Variants in AGBL1 observed in about 807,000 individuals in gnomAD.
AGBL1 encodes cytosolic carboxypeptidase 4.
In AGBL1, 130 loss-of-function variants were observed where a neutral mutation model predicts 118.9. The observed-to-expected ratio is 1.09, with a 90% CI of 0.95 to 1.26. AGBL1 has a LOEUF of 1.26. Ranked by LOEUF, AGBL1 falls within the 50% of genes most tolerant of loss-of-function variation. The pLI, the probability that AGBL1 is intolerant of heterozygous loss-of-function variation, is 0.00. For missense variants in AGBL1, 1,584 were observed against 1,298.1 expected (o/e 1.22, Z -3.38); for synonymous variants, 555 against 478.9 (o/e 1.16, Z -2.08).
At chr15:86,195,885 A>G (rs1879152308) in intron 5 of AGBL1, among the ~76,000 whole-genome samples, 1 of 152,082 alleles carries the variant, frequency 6.6e-6, no homozygotes, top group South Asian at 2.1e-4. Flanking sequence ...CATATTTCTA[A>G]GTCTATCCAA....
At chr15:86,884,551 G>A (rs545390319) in intron 22 of AGBL1, among the ~76,000 whole-genome samples, 5 of 152,266 alleles carry the variant, frequency 3.3e-5, no homozygotes, top group South Asian at 2.1e-4. Context: ...AGTGGCTCAC[G>A]GCTATAATAC....
intron 5 of AGBL1, among the ~76,000 whole-genome samples, chr15:86,210,779 G>C (rs768137753): frequency 2.6e-5 from 4 of 152,142 alleles, no homozygotes; most frequent in African/African-American, 9.7e-5. Context: ...TTAGCTCAGG[G>C]AAGTTTGTTA....
chr15:86,859,856 T>C (rs1011238133), intron 22 of AGBL1, among the ~76,000 whole-genome samples: 4 of 152,078 alleles, frequency 2.6e-5, no homozygotes, highest in South Asian at 4.1e-4. Context: ...CCTAATTCCA[T>C]CTCTAGAGTT....
At chr15:86,221,824 G>T (rs975172558) in intron 5 of AGBL1, among the ~76,000 whole-genome samples, 1 of 151,944 alleles carries the variant, frequency 6.6e-6, no homozygotes, top group Non-Finnish European at 1.5e-5. Flanking sequence ...ATGCATTGAA[G>T]TGAAAATTTC....
intron 22 of AGBL1, among the ~76,000 whole-genome samples, chr15:86,834,812 C>T (rs1010067174): frequency 2.0e-5 from 3 of 152,102 alleles, no homozygotes; most frequent in African/African-American, 7.2e-5. Context: ...GCGTGAGATG[C>T]TATGAGACCT....
chr15:86,211,144 G>A (rs61162675), intron 5 of AGBL1, among the ~76,000 whole-genome samples: 31,319 of 152,062 alleles, frequency 0.21, 3,664 homozygotes, highest in South Asian at 0.3. Flanking sequence ...TATCACCAGC[G>A]GAGGCTGCAG....
intron 19 of AGBL1, among the ~76,000 whole-genome samples, chr15:86,524,080 T>G (rs1366400714): frequency 6.6e-6 from 1 of 152,240 alleles, no homozygotes; most frequent in Non-Finnish European, 1.5e-5. Context: ...CAATGAATAT[T>G]TATTTTTAAA....
intron 18 of AGBL1, among the ~76,000 whole-genome samples, chr15:86,434,466 T>G (rs1030602070): frequency 6.6e-5 from 10 of 152,234 alleles, no homozygotes; most frequent in Non-Finnish European, 1.0e-4. Context: ...TTAAATTAAC[T>G]GATGCTAATT....
intron 22 of AGBL1, among the ~76,000 whole-genome samples, chr15:86,828,662 C>T (rs1282395815): frequency 1.3e-5 from 2 of 152,082 alleles, no homozygotes; most frequent in African/African-American, 2.4e-5. Flanking sequence ...GCTTCTGACA[C>T]CTTGCCTTTA....
chr15:86,477,567 C>T (rs185103634), intron 18 of AGBL1, among the ~76,000 whole-genome samples: 35 of 152,096 alleles, frequency 2.3e-4, no homozygotes, highest in African/African-American at 7.7e-4. Flanking sequence ...CAATAACAGG[C>T]TCTGAAATTG....
In AGBL1 at chr15:86,082,365, A is replaced by G. The variant is rs976724708; in HGVS notation, c.51+2342A>G. On this transcript the variant is annotated intron_variant, in intron 1 of 22. Coordinates refer to ENST00000614907, the MANE Select transcript of AGBL1 (RefSeq NM_001386094.1). ...ACCAGTCTGTCTCTTCTTGTGCACA[A>G]GGTGACAGACAGAAGGCTTTGAATT... Among the ~76,000 whole-genome samples, 4 of 152,242 alleles carry G rather than the reference A, an allele frequency of 2.6e-5. No homozygotes were observed. The East Asian group carries it at 5.8e-4, about 22-fold the overall frequency.
chr15:86,589,489 G>A (rs1428125592), intron 21 of AGBL1, among the ~76,000 whole-genome samples: 1 of 152,172 alleles, frequency 6.6e-6, no homozygotes, highest in Non-Finnish European at 1.5e-5. Context: ...CGATATGCAT[G>A]CATTCTGGAG....
chr15:86,553,322 G>A (rs1021010637), intron 20 of AGBL1, among the ~76,000 whole-genome samples: 2 of 152,134 alleles, frequency 1.3e-5, no homozygotes, highest in African/African-American at 4.8e-5. Flanking sequence ...CTGGGGAGGA[G>A]GTCTAGTGGC....
Position 86,289,070 on chromosome 15 carries a change from C to T in AGBL1, c.2221-6185C>T, listed in dbSNP as rs533012889. Among the ~76,000 whole-genome samples, 408 of 152,188 alleles carry T rather than the reference C, an allele frequency of 2.7e-3. 1 individual carries two copies. The highest frequency in any genetic ancestry group is 9.1e-3 in the African/African-American group (378 of 41,548). Reference sequence around the variant, plus strand: ...CTCCTTTAAAATGTTTGAACAGAGGCAAACAAAATAAAGAGATAATTTAAG... The same window carrying T: ...CTCCTTTAAAATGTTTGAACAGAGGTAAACAAAATAAAGAGATAATTTAAG... On this transcript the variant is annotated intron_variant, in intron 16 of 22. Transcript: ENST00000614907.
At chr15:87,016,559 T>C (rs1157518902) in intron 24 of AGBL1, among the ~76,000 whole-genome samples, 1 of 152,146 alleles carries the variant, frequency 6.6e-6, no homozygotes, top group East Asian at 1.9e-4. Context: ...AGATGGCCAA[T>C]TAAAAGCAGC....
intron 18 of AGBL1, among the ~76,000 whole-genome samples, chr15:86,420,690 C>G (rs748777654): frequency 1.2e-4 from 19 of 152,080 alleles, no homozygotes; most frequent in Non-Finnish European, 2.4e-4. Flanking sequence ...TATTCTAACC[C>G]AATGCAAGGA....
At chr15:86,863,103 G>C (rs1328958506) in intron 22 of AGBL1, among the ~76,000 whole-genome samples, 1 of 152,172 alleles carries the variant, frequency 6.6e-6, no homozygotes. Context: ...AAAACAATTA[G>C]AGAGATAGAT....
intron 23 of AGBL1, among the ~76,000 whole-genome samples, chr15:86,945,888 G>C (rs1221431304): frequency 1.3e-5 from 2 of 152,194 alleles, no homozygotes; most frequent in African/African-American, 4.8e-5. Context: ...GGACAGCTCA[G>C]AGTCAAAGAA....
intron 1 of AGBL1, among the ~76,000 whole-genome samples, chr15:86,123,912 A>T (rs1898244729): frequency 6.6e-6 from 1 of 152,246 alleles, no homozygotes; most frequent in South Asian, 2.1e-4. Flanking sequence ...AAACCGCCAC[A>T]GACCAGAGGA....
Sources: gnomAD v4.1 joint callset for allele counts (sites outside exome capture counted in the v4.1 genomes callset) on GRCh38, gnomAD v4.1.1 for gene constraint, MANE v1.5 for transcripts, NCBI Gene and HGNC (gene_info 2026-07-23, HGNC 2026-07-21) for gene names.